The following CIMIP6 variants were observed in gnomAD, a reference collection of about 807,000 sequenced individuals.
CIMIP6 encodes the protein uncharacterized protein C2orf73.
the CIMIP6 span, chr2:54,381,941 AG>A: frequency 6.5e-7 from 1 of 1,549,788 alleles, no homozygotes; most frequent in Non-Finnish European, 8.7e-7. Flanking sequence ...ATGTTTTTTT[AG>A]GTGGTTTCAT....
the CIMIP6 span, among the ~76,000 whole-genome samples, chr2:54,374,299 T>A: frequency 6.6e-6 from 1 of 152,248 alleles, no homozygotes; most frequent in Admixed American, 6.5e-5. Flanking sequence ...TGTTCTTTAA[T>A]GAGATATTTT....
the CIMIP6 span, among the ~76,000 whole-genome samples, chr2:54,340,493 C>A: frequency 6.6e-6 from 1 of 152,194 alleles, no homozygotes; most frequent in Non-Finnish European, 1.5e-5. Flanking sequence ...CACTTTCACT[C>A]TTCCAGGAAC....
At chr2:54,343,766 C>A in the CIMIP6 span, 6 of 1,611,080 alleles carry the variant, frequency 3.7e-6, no homozygotes, top group Non-Finnish European at 5.1e-6. Flanking sequence ...GTCTTCCTAC[C>A]ACCTTACGAC....
chr2:54,369,177 G>A, the CIMIP6 span, among the ~76,000 whole-genome samples: 18 of 152,106 alleles, frequency 1.2e-4, no homozygotes, highest in African/African-American at 4.3e-4. Context: ...CACTGCGAAA[G>A]GCAAAATGTG....
chr2:54,373,190 G>T, the CIMIP6 span, among the ~76,000 whole-genome samples: 1 of 151,994 alleles, frequency 6.6e-6, no homozygotes. Flanking sequence ...CTGCTTGAAG[G>T]AGTGACACAA....
At chr2:54,374,529 A>T in the CIMIP6 span, among the ~76,000 whole-genome samples, 1 of 152,242 alleles carries the variant, frequency 6.6e-6, no homozygotes, top group South Asian at 2.1e-4. Context: ...AGAACCAATA[A>T]TGAATCTTTC....
chr2:54,373,590 C>G, the CIMIP6 span, among the ~76,000 whole-genome samples: 1 of 152,164 alleles, frequency 6.6e-6, no homozygotes, highest in Non-Finnish European at 1.5e-5. Flanking sequence ...CTGCTGCCCT[C>G]AGAGAGTAAT....
the CIMIP6 span, among the ~76,000 whole-genome samples, chr2:54,375,035 T>C: frequency 6.6e-6 from 1 of 152,224 alleles, no homozygotes; most frequent in Non-Finnish European, 1.5e-5. Flanking sequence ...TTCTTCAAAC[T>C]TTTAAGGCTT....
At chr2:54,335,776 C>G in the CIMIP6 span, among the ~76,000 whole-genome samples, 1 of 152,200 alleles carries the variant, frequency 6.6e-6, no homozygotes, top group Non-Finnish European at 1.5e-5. Context: ...GTCTCACTGA[C>G]TGTTGCCAGG....
the CIMIP6 span, among the ~76,000 whole-genome samples, chr2:54,345,695 C>T: frequency 6.6e-6 from 1 of 152,118 alleles, no homozygotes; most frequent in Admixed American, 6.5e-5. Flanking sequence ...TACTCATAAC[C>T]AGTACTGTAT....
chr2:54,343,314 T>C, the CIMIP6 span, among the ~76,000 whole-genome samples: 4 of 152,196 alleles, frequency 2.6e-5, no homozygotes, highest in African/African-American at 9.6e-5. Flanking sequence ...AAAACCACTA[T>C]TTTTAGATGA....
the CIMIP6 span, among the ~76,000 whole-genome samples, chr2:54,357,577 C>CT: frequency 3.4e-3 from 395 of 115,650 alleles, 3 homozygotes; most frequent in African/African-American, 0.011. Flanking sequence ...CTCTTACGTA[C>CT]TTTTTTTTTT....
the CIMIP6 span, chr2:54,335,012 G>T: frequency 6.3e-7 from 1 of 1,598,816 alleles, no homozygotes; most frequent in Admixed American, 1.7e-5. Flanking sequence ...CCAAAAAAGG[G>T]CCAGAAATAC....
chr2:54,364,799 G>C, the CIMIP6 span, among the ~76,000 whole-genome samples: 1 of 152,138 alleles, frequency 6.6e-6, no homozygotes, highest in East Asian at 1.9e-4. Context: ...CTGCCTTAAC[G>C]GACTACGTTG....
chr2:54,356,143 T>TAA, the CIMIP6 span, among the ~76,000 whole-genome samples: 10,418 of 136,592 alleles, frequency 0.076, 458 homozygotes, highest in Non-Finnish European at 0.097. Flanking sequence ...CTTAAACTGT[T>TAA]AAAAAAAAAA....
chr2:54,376,635 A>G, the CIMIP6 span, among the ~76,000 whole-genome samples: 1 of 152,152 alleles, frequency 6.6e-6, no homozygotes, highest in Non-Finnish European at 1.5e-5. Context: ...AGGATAACGC[A>G]CTATACACTC....
the CIMIP6 span, among the ~76,000 whole-genome samples, chr2:54,337,852 G>A: frequency 6.6e-6 from 1 of 152,180 alleles, no homozygotes; most frequent in South Asian, 2.1e-4. Context: ...GAGTTACAGA[G>A]AAAGACTGAA....
the CIMIP6 span, among the ~76,000 whole-genome samples, chr2:54,332,089 G>A: frequency 2.2e-4 from 34 of 152,286 alleles, 1 homozygote; most frequent in South Asian, 3.1e-3. Context: ...GAAGCAGTGC[G>A]CTAAGGATGG....
At chr2:54,379,746 T>C in the CIMIP6 span, among the ~76,000 whole-genome samples, 1 of 150,890 alleles carries the variant, frequency 6.6e-6, no homozygotes, top group Non-Finnish European at 1.5e-5. Context: ...GAGGCCAAGG[T>C]GGGTGGGTCA....
Sources: allele counts gnomAD v4.1 joint callset (sites outside exome capture counted in the v4.1 genomes callset), GRCh38; gene constraint gnomAD v4.1.1; transcripts MANE v1.5; gene names NCBI Gene and HGNC (gene_info 2026-07-23, HGNC 2026-07-21).